The following NAGPA variants were observed in gnomAD, a reference collection of about 807,000 sequenced individuals.
NAGPA encodes N-acetylglucosamine-1-phosphodiester alpha-N-acetylglucosaminidase, also known as alpha-N-acetylglucosaminyl phosphodiesterase.
NAGPA carries 56 observed loss-of-function variants against 48.5 expected under a neutral mutation model. The ratio of observed to expected loss-of-function variants is 1.15; its 90% CI spans 0.93 to 1.44. NAGPA has a LOEUF of 1.44. NAGPA is among the 40% of genes most tolerant of loss of function. The pLI is 0.00. For synonymous variants in NAGPA, 399 were observed against 315.5 expected, an observed-to-expected ratio of 1.26 and a Z score of -2.81; for missense variants, 888 against 735.0, an observed-to-expected ratio of 1.21 and a Z score of -2.41.
chr16:5,027,370 A>T lies in NAGPA; in HGVS notation c.1184T>A (p.Leu395His). ...CTGGCAGCCCGGCCCATGCCAGCCA[A>T]GGGGACACTCTATGGAAAGGAGATG... Reference protein sequence around the residue: ...TGSNCSEECPLGWHGPGCQRP... With the variant: ...TGSNCSEECPHGWHGPGCQRP... The change falls in exon 8 of 10, where the codon CTT (leucine) becomes CAT (histidine). Residue 395 changes from leucine (L) to histidine (H), a missense_variant. Transcript: ENST00000312251. The T allele has an allele frequency of 3.1e-6, 5 of 1,612,996 alleles. No homozygotes were observed. The highest frequency in any genetic ancestry group is 4.2e-6 in the Non-Finnish European group (5 of 1,179,690).
rs185563042 is a variant in NAGPA, at chr16:5,025,658, C to T, written c.1368G>A (p.Ala456=). The T allele has an allele frequency of 8.4e-5, 135 of 1,612,770 alleles. 2 individuals carry two copies. The Admixed American group carries it at 1.4e-3, about 17-fold the overall frequency. Residue 456 remains alanine, a synonymous_variant, in exon 10 of 10, where the codon GCG becomes GCA. Coordinates refer to ENST00000312251, the MANE Select transcript of NAGPA (RefSeq NM_016256.4). ...TGCTGATCAGCAGGAGGAAGGCCAG[C>T]GCCAGGGTGAGGGCTAGCCAGGCGG... The part of the protein sequence containing the change: ...TRTAWLALTL[A]LAFLLLISTA...
intron 4 of NAGPA, chr16:5,030,077 C>G: frequency 3.9e-6 from 2 of 511,138 alleles, no homozygotes; most frequent in Non-Finnish European, 7.1e-6. Flanking sequence ...GGTGGGTAGA[C>G]AAGTCATCGA....
rs1333754646 is a variant in NAGPA at position 5,030,404 on chromosome 16, C to T, written c.772G>A (p.Gly258Ser). 31 of 1,552,098 alleles carry T rather than the reference C, an allele frequency of 2.0e-5. No homozygotes were observed. The highest frequency in any genetic ancestry group is 2.5e-5 in the Non-Finnish European group (29 of 1,147,328). Residue 258 changes from glycine to serine, a missense_variant, in exon 4 of 10, where the codon GGC (glycine) becomes AGC (serine). By Grantham distance (56) the Gly-to-Ser change is moderately conservative (BLOSUM62 0). Coordinates refer to ENST00000312251, the MANE Select transcript of NAGPA (RefSeq NM_016256.4). ...KGQLVLFHAD[G>S]QTEQRGINLW... The stretch of plus-strand genomic sequence containing the variant: ...ACTCACCCACGCTGCTCCGTTTGGC[C>T]GTCTGCATGAAAGAGCACCAGCTGC...
Position 5,033,831 on chromosome 16 carries a change from C to T in NAGPA, c.84G>A (p.Ser28=). 1.3e-6 allele frequency: 2 copies of T among 1,551,860 alleles called. No homozygotes were observed. Among genetic ancestry groups the T allele is most frequent in the East Asian group, 2.4e-5 (1 of 41,086 alleles). Residue 28 remains serine, a splice_region_variant and synonymous_variant, in exon 1 of 10, where the codon TCG becomes TCA. Transcript: ENST00000312251. This position sits in a 1 kb window ranked among gnomAD's most constrained non-coding sequence, Gnocchi z 4.2. ...FLWEASGGLD[S]GASRDDDLLL... ...CTGGCCCAGGGAGCTGCACTCACCC[C>T]GAGTCGAGGCCGCCGGACGCTTCCC...
At position 5,025,444 on chromosome 16, in the gene NAGPA, T is replaced by A; in HGVS notation, c.*34A>T. 6.2e-7 allele frequency: 1 copy of A among 1,608,862 alleles called. No individual in the cohort carries two copies. The highest frequency in any genetic ancestry group is 8.5e-7 in the Non-Finnish European group (1 of 1,177,900). The stretch of plus-strand genomic sequence containing the variant: ...GAAGCCAGACCGTGGGGAAACAAGC[T>A]TTCGCGACGTGCCACCCCGGGCAGC... On this transcript the variant is annotated 3_prime_UTR_variant, in exon 10 of 10. Transcript: ENST00000312251.
chr16:5,033,014 TA>T lies in NAGPA; in HGVS notation c.542+258del, dbSNP rs1417951907. The stretch of plus-strand genomic sequence containing the variant: ...ACCCGGCTTTTGTTGATTTTTCTAG[TA>T]ATGGGGGAGGGCTGTTAAGGCAAAG... On this transcript the variant is annotated intron_variant, in intron 2 of 9. Coordinates refer to ENST00000312251, the MANE Select transcript of NAGPA (RefSeq NM_016256.4). The surrounding 1 kb of genome is among the most constrained non-coding windows in gnomAD (Gnocchi z 4.2). 1 of 577,894 alleles carries T rather than the reference TA, an allele frequency of 1.7e-6. No homozygotes were observed. Among genetic ancestry groups the T allele is most frequent in the Non-Finnish European group, 3.1e-6 (1 of 326,026 alleles). The allele number at this position is 577,894 out of a possible 1,614,324, so 35.8% of individuals were successfully genotyped here.
rs1956153448 is a variant in NAGPA, at chr16:5,033,869, A to G, written c.46T>C (p.Phe16Leu). ...CCGGACGCTTCCCAGAGGAAGCCGA[A>G]TAGTGCAAGCCGGAGGAGAAGCCAG... is the stretch of plus-strand genomic sequence containing the variant. ...GRWLLLRLAL[F>L]GFLWEASGGL... Residue 16 changes from phenylalanine to leucine, a missense_variant, in exon 1 of 10, where the codon TTC becomes CTC. Transcript: ENST00000312251. This position sits in a 1 kb window ranked among gnomAD's most constrained non-coding sequence, Gnocchi z 4.2. The G allele has an allele frequency of 1.9e-6, 3 of 1,549,436 alleles. No individual in the cohort carries two copies. Among genetic ancestry groups the G allele is most frequent in the Non-Finnish European group, 2.6e-6 (3 of 1,147,010 alleles).
chr16:5,028,334 T>C (rs1372180022), intron 5 of NAGPA, 149 bp from the exon 6 acceptor site: 7 of 1,445,768 alleles, frequency 4.8e-6, no homozygotes, highest in African/African-American at 1.4e-5. Context: ...AGATGAGGTA[T>C]TGCGATCCTT....
chr16:5,028,246 AG>A, intron 5 of NAGPA, 61 bp from the exon 6 acceptor site: 1 of 1,410,008 alleles, frequency 7.1e-7, no homozygotes, highest in Non-Finnish European at 9.3e-7. Context: ...AACTCCCTCC[AG>A]GCTGCCCCCA....
intron 9 of NAGPA, 84 bp from the exon 10 acceptor site, chr16:5,025,769 C>A (rs527490465): frequency 1.4e-6 from 2 of 1,395,866 alleles, no homozygotes; most frequent in South Asian, 2.5e-5. Context: ...TCCCTCTACC[C>A]GGCATAGATA....
In NAGPA at chr16:5,031,686, G is replaced by A. The variant is rs185380862; in HGVS notation, c.682+59C>T. The A allele has an allele frequency of 2.2e-5, 35 of 1,610,136 alleles. No individual in the cohort carries two copies. The East Asian group carries it at 2.9e-4, about 13-fold the overall frequency. ...TGTTGAAAGACTTAAGAACAGCTCC[G>A]CCCAGCCCACTGGTCCTGGTTCTCG... On this transcript the variant is annotated intron_variant, in intron 3 of 9. Transcript: ENST00000312251.
At chr16:5,030,718 C>T (rs1956082915) in intron 3 of NAGPA, 1 of 598,494 alleles carries the variant, frequency 1.7e-6, no homozygotes, top group South Asian at 1.9e-5. Context: ...AGGTGAAGAC[C>T]CTCTAATGGT....
chr16:5,025,827 A>C (rs987064202), intron 9 of NAGPA, 142 bp from the exon 10 acceptor site: 1 of 833,228 alleles, frequency 1.2e-6, no homozygotes, highest in African/African-American at 1.7e-5. Flanking sequence ...TGTTATGAGC[A>C]AAATGGACTA....
intron 5 of NAGPA, 168 bp downstream of exon 5, chr16:5,028,712 C>A (rs1239358528): frequency 4.9e-6 from 5 of 1,025,430 alleles, no homozygotes; most frequent in Non-Finnish European, 7.5e-6. Flanking sequence ...ACTGACCCTG[C>A]TCCTAGGCCT....
chr16:5,025,634 G>A lies in NAGPA; in HGVS notation c.1392C>T (p.Ser464=). Residue 464 remains serine, a synonymous_variant, in exon 10 of 10, where the codon AGC becomes AGT. Coordinates refer to ENST00000312251, the MANE Select transcript of NAGPA (RefSeq NM_016256.4). ...TLALAFLLLI[S]TAANLSLLLS... is the part of the protein sequence containing the mutation. The stretch of plus-strand genomic sequence containing the variant: ...GGAGCAAGGACAGGTTTGCTGCAGT[G>A]CTGATCAGCAGGAGGAAGGCCAGCG... 6.2e-7 allele frequency: 1 copy of A among 1,613,790 alleles called. No homozygotes were observed. The highest frequency in any genetic ancestry group is 8.5e-7 in the Non-Finnish European group (1 of 1,179,964).
intron 3 of NAGPA, 141 bp downstream of exon 3, chr16:5,031,604 C>G: frequency 9.1e-7 from 1 of 1,100,812 alleles, no homozygotes; most frequent in Non-Finnish European, 1.4e-6. Context: ...CTATCTTCCT[C>G]CCCATGAATC....
chr16:5,028,209 G>A, intron 5 of NAGPA, 24 bp from the exon 6 acceptor site: 1 of 1,551,870 alleles, frequency 6.4e-7, no homozygotes. Context: ...TGATGTGTGA[G>A]GAGAGGACAC....
Position 5,033,648 on chromosome 16 carries a change from G to A in NAGPA, c.167C>T (p.Ala56Val), listed in dbSNP as rs767601581. Residue 56 changes from alanine (A) to valine (V), a missense_variant, in exon 2 of 10, where the codon GCC becomes GTC. Coordinates refer to ENST00000312251, the MANE Select transcript of NAGPA (RefSeq NM_016256.4). The surrounding 1 kb of genome is among the most constrained non-coding windows in gnomAD (Gnocchi z 4.2). Reference protein sequence around the residue: ...RLPRDCTRVRAGNREHESWPP... With the variant: ...RLPRDCTRVRVGNREHESWPP... ...CCAACTCTCGTGCTCGCGGTTGCCG[G>A]CGCGCACCCGTGTGCAGTCCCGGGG... 10 of 1,546,492 alleles carry A rather than the reference G, an allele frequency of 6.5e-6. No individual in the cohort carries two copies. Among genetic ancestry groups the A allele is most frequent in the Non-Finnish European group, 8.6e-6 (10 of 1,156,716 alleles).
chr16:5,026,261 T>G (rs994440740), intron 9 of NAGPA, among the ~76,000 whole-genome samples: 5 of 150,916 alleles, frequency 3.3e-5, no homozygotes, highest in Non-Finnish European at 5.9e-5. Context: ...AAAAAGGTTT[T>G]TAAGGCTGGG....
Sources: gnomAD v4.1 joint callset for allele counts (sites outside exome capture counted in the v4.1 genomes callset) on GRCh38, gnomAD v4.1.1 for gene constraint, Gnocchi (gnomAD v3.1) non-coding constraint, MANE v1.5 for transcripts, NCBI Gene and HGNC (gene_info 2026-07-23, HGNC 2026-07-21) for gene names.